CCDC30: variants seen among roughly 807,000 people sequenced by gnomAD.
The protein encoded by CCDC30 is coiled-coil domain containing 30.
A neutral mutation model predicts 100.2 loss-of-function variants in CCDC30; 70 were observed. That is an observed-to-expected ratio of 0.70 (90% CI 0.58 to 0.85). The LOEUF (loss-of-function observed/expected upper bound fraction) is 0.85. Among genes scored for constraint, CCDC30 ranks in the 40% least tolerant of loss-of-function variants. The pLI, the probability that CCDC30 is intolerant of heterozygous loss-of-function variation, is 0.00. For missense variants in CCDC30, 652 were observed against 771.2 expected (o/e 0.85, Z 1.83); for synonymous variants, 233 against 269.5 (o/e 0.86, Z 1.33).
intron 10 of CCDC30, chr1:42,593,290 T>C (rs1256561258): frequency 6.6e-6 from 1 of 152,198 alleles, no homozygotes; most frequent in Non-Finnish European, 1.5e-5. Context: ...GGAAAACAGT[T>C]TGCTTACTGG....
chr1:42,644,572 T>A lies in CCDC30; in HGVS notation c.1557-121T>A. Reference sequence around the variant, plus strand: ...ATGGTGGGAATTATTCTGTCAAACTTGCTTCTAAAATCTGGACAGTAGTCT... The same window carrying A: ...ATGGTGGGAATTATTCTGTCAAACTAGCTTCTAAAATCTGGACAGTAGTCT... On this transcript the variant is annotated intron_variant, in intron 13 of 16. Coordinates refer to ENST00000668663, the Ensembl canonical transcript of CCDC30. The A allele has an allele frequency of 6.3e-6, 4 of 630,488 alleles. No homozygotes were observed. In the South Asian group the frequency reaches 7.5e-5, roughly 12 times the overall value. 39.1% of individuals were successfully genotyped at this position (630,488 alleles called of 1,614,324 possible).
chr1:42,610,292 C>T (rs1370252181), intron 10 of CCDC30, among the ~76,000 whole-genome samples: 2 of 152,182 alleles, frequency 1.3e-5, no homozygotes, highest in Non-Finnish European at 2.9e-5. Flanking sequence ...ATAACCAATC[C>T]CAAATTCCTA....
the CCDC30 span, chr1:42,457,454 A>C: frequency 7.4e-6 from 7 of 949,180 alleles, no homozygotes; most frequent in Admixed American, 1.9e-5. Context: ...TTCGCTAGGC[A>C]CAGGGGATAC....
At chr1:42,619,130 C>T (rs902473532) in intron 11 of CCDC30, among the ~76,000 whole-genome samples, 8 of 152,144 alleles carry the variant, frequency 5.3e-5, no homozygotes, top group Non-Finnish European at 7.4e-5. Context: ...TCAATCACTC[C>T]GGCATGCACT....
intron 10 of CCDC30, chr1:42,595,095 A>G (rs1175060876): frequency 6.6e-6 from 1 of 151,948 alleles, no homozygotes; most frequent in Non-Finnish European, 1.5e-5. Flanking sequence ...TATATGAGCC[A>G]TTGTTTCACT....
chr1:42,618,332 G>C (rs977375485), intron 11 of CCDC30, among the ~76,000 whole-genome samples: 1 of 148,798 alleles, frequency 6.7e-6, no homozygotes, highest in South Asian at 2.1e-4. Flanking sequence ...CGCCTCTCAG[G>C]TTCAAGCAAT....
intron 10 of CCDC30, among the ~76,000 whole-genome samples, chr1:42,602,937 G>A (rs1263961230): frequency 6.6e-6 from 1 of 152,186 alleles, no homozygotes; most frequent in Non-Finnish European, 1.5e-5. Context: ...CCATGATCAA[G>A]TGATTTATCT....
At chr1:42,566,702 T>C (rs1406399351) in intron 7 of CCDC30, among the ~76,000 whole-genome samples, 3 of 152,164 alleles carry the variant, frequency 2.0e-5, no homozygotes, top group Non-Finnish European at 4.4e-5. Context: ...CTGAAAACAC[T>C]ATCTAAAATT....
chr1:42,542,539 C>CTTTTTTTTTTTTT lies in CCDC30; in HGVS notation c.457-23747_457-23735dup, dbSNP rs58751072. ...CACACCTGGCTAATTTTAAATTTTTCTTTTTTTTTTTTTTTTTTTTTTGAG... is the reference window on the plus strand; with the variant it reads ...CACACCTGGCTAATTTTAAATTTTTCTTTTTTTTTTTTTTTTTTTTTTTTTTTTTTTTTTTGAG... On this transcript the variant is annotated intron_variant, in intron 6 of 16. Coordinates refer to ENST00000668663, the Ensembl canonical transcript of CCDC30. Among the ~76,000 whole-genome samples, 14 of 75,574 alleles carry CTTTTTTTTTTTTT rather than the reference C, an allele frequency of 1.9e-4. 2 individuals carry two copies. In the East Asian group the frequency reaches 2.0e-3, roughly 11 times the overall value. 49.6% of individuals were successfully genotyped at this position (75,574 alleles called of 152,430 possible).
At chr1:42,478,528 G>A (rs1233610667) in intron 1 of CCDC30, among the ~76,000 whole-genome samples, 1 of 152,128 alleles carries the variant, frequency 6.6e-6, no homozygotes, top group Non-Finnish European at 1.5e-5. Flanking sequence ...TGAGGCCAAG[G>A]CAGGTAGATT....
chr1:42,599,136 C>T (rs1646351543), intron 10 of CCDC30, among the ~76,000 whole-genome samples: 1 of 151,962 alleles, frequency 6.6e-6, no homozygotes, highest in Non-Finnish European at 1.5e-5. Flanking sequence ...ATAAGTTGTT[C>T]AGCATAATAG....
intron 10 of CCDC30, chr1:42,594,701 T>A (rs1032863969): frequency 2.6e-5 from 4 of 152,112 alleles, no homozygotes; most frequent in Admixed American, 6.6e-5. Context: ...CCTCATTTCT[T>A]AAATTAAAAC....
chr1:42,572,744 A>T (rs911257278), intron 7 of CCDC30, among the ~76,000 whole-genome samples: 2 of 152,064 alleles, frequency 1.3e-5, no homozygotes, highest in Non-Finnish European at 2.9e-5. Flanking sequence ...GGCCTCCCGA[A>T]TAGCTGGGAT....
intron 6 of CCDC30, among the ~76,000 whole-genome samples, chr1:42,514,766 G>T (rs1430247075): frequency 6.6e-6 from 1 of 152,076 alleles, no homozygotes; most frequent in Non-Finnish European, 1.5e-5. Context: ...TGATTCTCCT[G>T]CCTCACCCTC....
In CCDC30 at chr1:42,650,497, A is replaced by ATGTGTGTG. The variant is rs57051349; in HGVS notation, c.1855-2843_1855-2836dup. Among the ~76,000 whole-genome samples the ATGTGTGTG allele has an allele frequency of 5.6e-3, 761 of 136,266 alleles. 4 individuals carry two copies. The highest frequency in any genetic ancestry group is 7.0e-3 in the Non-Finnish European group (451 of 64,072). 89.4% of individuals were successfully genotyped at this position (136,266 alleles called of 152,430 possible). On this transcript the variant is annotated intron_variant, in intron 15 of 16. Transcript: ENST00000668663. The stretch of plus-strand genomic sequence containing the variant: ...CAAGACCCTGTCTAAAAAAATATAT[A>ATGTGTGTG]TGTGTGTGTGTGTGTGTGTGTGTGT...
chr1:42,611,971 TG>T (rs763034073), intron 11 of CCDC30, among the ~76,000 whole-genome samples: 50 of 152,350 alleles, frequency 3.3e-4, no homozygotes, highest in South Asian at 2.1e-3. Flanking sequence ...ATTTTTTTTT[TG>T]TAATTATTTA....
rs569308061 is a variant in CCDC30, at chr1:42,542,120, A to G, written c.457-24176A>G. ...AAACTGAGCTATATCACTAAGATAC[A>G]ATTTTGGTAGGAAGAAGTCTGTGGA... On this transcript the variant is annotated intron_variant, in intron 6 of 16. Transcript: ENST00000668663. Among the ~76,000 whole-genome samples, 19 of 152,340 alleles carry G rather than the reference A, an allele frequency of 1.2e-4. No individual in the cohort carries two copies. In the South Asian group the frequency reaches 3.9e-3, roughly 32 times the overall value.
intron 6 of CCDC30, chr1:42,545,488 A>T: frequency 1.9e-6 from 3 of 1,605,826 alleles, no homozygotes; most frequent in Non-Finnish European, 2.5e-6. Context: ...TAATTTAATT[A>T]CAAGTGAAAA....
upstream of CCDC30, chr1:42,459,533 T>C: frequency 1.6e-6 from 2 of 1,278,692 alleles, no homozygotes; most frequent in South Asian, 1.4e-5. Flanking sequence ...AATTCCTTAG[T>C]TTCCCATGAG....
Sources: gnomAD v4.1 joint callset for allele counts (sites outside exome capture counted in the v4.1 genomes callset) on GRCh38, gnomAD v4.1.1 for gene constraint, MANE v1.5 for transcripts, NCBI Gene and HGNC (gene_info 2026-07-23, HGNC 2026-07-21) for gene names.